Variants in GRM4 observed in about 807,000 individuals in gnomAD.
The protein encoded by GRM4 is glutamate metabotropic receptor 4, also known as metabotropic glutamate receptor 4.
Under a neutral mutation model 81.7 loss-of-function variants are expected in GRM4, and 28 were observed. The ratio of observed to expected loss-of-function variants is 0.34; its 90% CI spans 0.25 to 0.47. The LOEUF is 0.47. Ranked by LOEUF, GRM4 falls within the 20% of genes least tolerant of loss-of-function variation. The pLI is 1.00. For synonymous variants in GRM4, 488 were observed against 528.8 expected (o/e 0.92, Z 1.06); for missense variants, 948 against 1,290.0 (o/e 0.73, Z 4.06).
intron 3 of GRM4, among the ~76,000 whole-genome samples, chr6:34,088,775 G>C (rs1768045856): frequency 6.6e-6 from 1 of 152,220 alleles, no homozygotes; most frequent in Non-Finnish European, 1.5e-5. Flanking sequence ...CTAGCCACAT[G>C]GTTATTACCA....
rs1768065741 is a variant in GRM4 at position 34,089,191 on chromosome 6, C to A, written c.736+2692G>T. ...AGCCTGGCCAGCATGCCCTCCCCAC[C>A]ACTCCCCTCTCTGGTGCTCCTCTGA... On this transcript the variant is annotated intron_variant, in intron 3 of 10. Transcript: ENST00000538487. This position sits in a 1 kb window ranked among gnomAD's most constrained non-coding sequence, Gnocchi z 4.3. Among the ~76,000 whole-genome samples the A allele has an allele frequency of 6.6e-6, 1 of 152,180 alleles. No homozygotes were observed. Among genetic ancestry groups the A allele is most frequent in the South Asian group, 2.1e-4 (1 of 4,834 alleles).
chr6:34,152,847 G>C lies in GRM4; in HGVS notation c.312+2232C>G, dbSNP rs993798790. Among the ~76,000 whole-genome samples, 1 of 152,168 alleles carries C rather than the reference G, an allele frequency of 6.6e-6. No homozygotes were observed. The highest frequency in any genetic ancestry group is 1.5e-5 in the Non-Finnish European group (1 of 68,040). On this transcript the variant is annotated intron_variant, in intron 1 of 8. Transcript: ENST00000374177. The surrounding 1 kb of genome is among the most constrained non-coding windows in gnomAD (Gnocchi z 4.1). ...GACAAGGGGGACAGGCAGGAGCAAG[G>C]TGGGAGGGTGGCTGGGGATGGGAAG...
At chr6:34,065,914 G>C (rs563049714) in intron 3 of GRM4, among the ~76,000 whole-genome samples, 1 of 152,176 alleles carries the variant, frequency 6.6e-6, no homozygotes, top group Admixed American at 6.5e-5. Flanking sequence ...TTGGGATCCA[G>C]GCCAGCCCCT....
chr6:34,035,886 C>T lies in GRM4; in HGVS notation c.2224G>A (p.Gly742Ser). The T allele has an allele frequency of 6.2e-7, 1 of 1,608,904 alleles. No individual in the cohort carries two copies. The highest frequency in any genetic ancestry group is 8.5e-7 in the Non-Finnish European group (1 of 1,175,816). ...QRTLDPRFARGVLKCDISDLS... is the reference protein window; with the variant it reads ...QRTLDPRFARSVLKCDISDLS... ...TCCGAGATGTCACACTTGAGCACAC[C>T]CCTGGCGAAGCGGGGGTCGAGTGTC... Residue 742 changes from glycine (G) to serine (S), a missense_variant, in exon 9 of 11, where the codon GGT (glycine) becomes AGT (serine). Coordinates refer to ENST00000538487, the MANE Select transcript of GRM4 (RefSeq NM_000841.4). This position sits in a 1 kb window ranked among gnomAD's most constrained non-coding sequence, Gnocchi z 6.6.
At position 34,066,936 on chromosome 6, in the gene GRM4, A is replaced by G. The variant is rs556644228; in HGVS notation, c.737-4908T>C. ...TGTGTTCATCTGTGAAATGGGCTGC[A>G]TAGCCGCAGCTAGCCCAGGGGCTTC... On this transcript the variant is annotated intron_variant, in intron 3 of 10. Coordinates refer to ENST00000538487, the MANE Select transcript of GRM4 (RefSeq NM_000841.4). Among the ~76,000 whole-genome samples the G allele has an allele frequency of 3.3e-5, 5 of 152,244 alleles. No individual in the cohort carries two copies. In the East Asian group the frequency reaches 9.7e-4, roughly 29 times the overall value.
At chr6:34,023,732 C>T (rs1002825960) in intron 10 of GRM4, among the ~76,000 whole-genome samples, 2 of 152,136 alleles carry the variant, frequency 1.3e-5, no homozygotes, top group African/African-American at 2.4e-5. Flanking sequence ...TGTGAGTGTC[C>T]CCCACCCCTC....
rs1302961770 is a variant in GRM4, at chr6:34,089,181, C to CAG, written c.736+2701_736+2702insCT. 2.0e-5 allele frequency among the ~76,000 whole-genome samples: 3 copies of CAG among 152,156 alleles called. No individual in the cohort carries two copies. Among genetic ancestry groups the CAG allele is most frequent in the Non-Finnish European group, 4.4e-5 (3 of 68,034 alleles). On this transcript the variant is annotated intron_variant, in intron 3 of 10. Transcript: ENST00000538487. This position sits in a 1 kb window ranked among gnomAD's most constrained non-coding sequence, Gnocchi z 4.3. ...CATGCATCCCAGCCTGGCCAGCATG[C>CAG]CCTCCCCACCACTCCCCTCTCTGGT...
chr6:34,097,432 T>G (rs1244896400), intron 2 of GRM4, among the ~76,000 whole-genome samples: 2 of 30,070 alleles, frequency 6.7e-5, no homozygotes, highest in Non-Finnish European at 1.6e-4. Context: ...TGCATGCCTG[T>G]GTGTGTGTGT....
chr6:34,069,074 CAG>C lies in GRM4; in HGVS notation c.737-7048_737-7047del, dbSNP rs1561788221. Among the ~76,000 whole-genome samples, 1 of 151,790 alleles carries C rather than the reference CAG, an allele frequency of 6.6e-6. No homozygotes were observed. Among genetic ancestry groups the C allele is most frequent in the Admixed American group, 6.6e-5 (1 of 15,232 alleles). ...GGGGGTGGGGAGTTACACACAGGGA[CAG>C]GGGCAGGAGAGCAGGTCCCCCCGGC... On this transcript the variant is annotated intron_variant, in intron 3 of 10. Coordinates refer to ENST00000538487, the MANE Select transcript of GRM4 (RefSeq NM_000841.4). The surrounding 1 kb of genome is among the most constrained non-coding windows in gnomAD (Gnocchi z 6.4).
chr6:34,023,585 T>C (rs551818871), intron 10 of GRM4, among the ~76,000 whole-genome samples: 1 of 152,166 alleles, frequency 6.6e-6, no homozygotes, highest in Non-Finnish European at 1.5e-5. Context: ...TTGGTGCCCC[T>C]GTCTCTCTCA....
chr6:34,038,738 C>T (rs977300611), intron 8 of GRM4, among the ~76,000 whole-genome samples: 1 of 152,172 alleles, frequency 6.6e-6, no homozygotes, highest in Non-Finnish European at 1.5e-5. Context: ...ACTAAGAGGG[C>T]ATTGGGAGCT....
chr6:34,130,851 A>G lies in GRM4; in HGVS notation c.519+2127T>C, dbSNP rs185483959. 1.3e-5 allele frequency among the ~76,000 whole-genome samples: 2 copies of G among 152,334 alleles called. No homozygotes were observed. Among genetic ancestry groups the G allele is most frequent in the Non-Finnish European group, 1.5e-5 (1 of 68,030 alleles). ...TTTACCATCTTTCTAAAAGACCCAG[A>G]GTCACTAAAGGAGTTTAATTACAAC... On this transcript the variant is annotated intron_variant, in intron 2 of 10. Transcript: ENST00000538487. The surrounding 1 kb of genome is among the most constrained non-coding windows in gnomAD (Gnocchi z 4.1).
chr6:34,073,738 G>A lies in GRM4; in HGVS notation c.737-11710C>T, dbSNP rs542991907. Among the ~76,000 whole-genome samples the A allele has an allele frequency of 8.5e-5, 13 of 152,168 alleles. No individual in the cohort carries two copies. The East Asian group carries it at 1.7e-3, about 20-fold the overall frequency. On this transcript the variant is annotated intron_variant, in intron 3 of 10. Transcript: ENST00000538487. Reference sequence around the variant, plus strand: ...GCCCATCTCTTCTTAACTGAGAAACGCCTCCTTGCTGAGTCTCCCCAGTGA... The same window carrying A: ...GCCCATCTCTTCTTAACTGAGAAACACCTCCTTGCTGAGTCTCCCCAGTGA...
At chr6:34,141,973 A>G (rs1329213546) in intron 1 of GRM4, among the ~76,000 whole-genome samples, 12 of 152,230 alleles carry the variant, frequency 7.9e-5, no homozygotes, top group South Asian at 2.1e-4. Flanking sequence ...CGCAGGACCA[A>G]GAAAAAGCAG....
chr6:34,071,336 CAG>C (rs1212939473), intron 3 of GRM4, among the ~76,000 whole-genome samples: 2 of 108,366 alleles, frequency 1.8e-5, no homozygotes, highest in African/African-American at 3.6e-5. Flanking sequence ...ACACATCACA[CAG>C]ATAAACACCG....
intron 3 of GRM4, among the ~76,000 whole-genome samples, chr6:34,084,213 G>A (rs375899476): frequency 4.6e-5 from 7 of 152,254 alleles, no homozygotes; most frequent in African/African-American, 1.7e-4. Flanking sequence ...TCACAGGTGA[G>A]AGGAGGAAGC....
intron 1 of GRM4, among the ~76,000 whole-genome samples, chr6:34,142,238 A>T (rs112238678): frequency 6.6e-6 from 1 of 152,118 alleles, no homozygotes; most frequent in Non-Finnish European, 1.5e-5. Flanking sequence ...CAGAGCTCCA[A>T]TGCCAGCTCC....
intron 9 of GRM4, among the ~76,000 whole-genome samples, chr6:34,028,782 G>A (rs1430771185): frequency 6.6e-6 from 1 of 152,164 alleles, no homozygotes; most frequent in Non-Finnish European, 1.5e-5. Flanking sequence ...GACCACAGCT[G>A]GCCCTTCTCA....
intron 8 of GRM4, among the ~76,000 whole-genome samples, chr6:34,038,569 G>A (rs543055010): frequency 3.3e-5 from 5 of 152,220 alleles, no homozygotes; most frequent in Admixed American, 2.0e-4. Flanking sequence ...CAGTAGCCAG[G>A]TAGGTGGTTA....
Sources: gnomAD v4.1 joint callset for allele counts (sites outside exome capture counted in the v4.1 genomes callset) on GRCh38, gnomAD v4.1.1 for gene constraint, Gnocchi (gnomAD v3.1) non-coding constraint, MANE v1.5 for transcripts, NCBI Gene and HGNC (gene_info 2026-07-23, HGNC 2026-07-21) for gene names.